Variants in EPS15 observed in about 807,000 individuals in gnomAD.
The protein encoded by EPS15 is epidermal growth factor receptor pathway substrate 15, also known as epidermal growth factor receptor substrate 15.
A neutral mutation model predicts 113.8 loss-of-function variants in EPS15; 72 were observed. The observed-to-expected ratio is 0.63, with a 90% CI of 0.52 to 0.77. The LOEUF is 0.77. EPS15 is among the 30% of genes least tolerant of loss of function. The pLI, the probability that EPS15 is intolerant of heterozygous loss-of-function variation, is 0.00. For missense variants in EPS15, 1,048 were observed against 1,045.8 expected, an observed-to-expected ratio of 1.00 and a Z score of -0.03; for synonymous variants, 344 against 363.4, an observed-to-expected ratio of 0.95 and a Z score of 0.61.
At chr1:51,469,117 G>A (rs1046406855) in intron 4 of EPS15, among the ~76,000 whole-genome samples, 3 of 150,842 alleles carry the variant, frequency 2.0e-5, no homozygotes, top group South Asian at 2.1e-4. Context: ...GTGACAGAGC[G>A]AGACTGTCTC....
chr1:51,444,853 A>G, intron 11 of EPS15, 36 bp downstream of exon 11: 1 of 1,583,434 alleles, frequency 6.3e-7, no homozygotes, highest in Non-Finnish European at 8.6e-7. Context: ...TTCCTTTGAA[A>G]TTAATACATT....
chr1:51,419,784 T>G (rs2148446991), intron 13 of EPS15, among the ~76,000 whole-genome samples: 1 of 152,204 alleles, frequency 6.6e-6, no homozygotes, highest in Non-Finnish European at 1.5e-5. Context: ...TACCAATGGG[T>G]AAATCAGAGT....
chr1:51,442,767 T>G (rs1652693129), intron 11 of EPS15, among the ~76,000 whole-genome samples: 1 of 152,100 alleles, frequency 6.6e-6, no homozygotes, highest in Non-Finnish European at 1.5e-5. Context: ...AAATGTATCT[T>G]GTAAACCAAA....
At chr1:51,457,817 A>G (rs1479441574) in intron 8 of EPS15, 2 of 152,148 alleles carry the variant, frequency 1.3e-5, no homozygotes, top group Non-Finnish European at 2.9e-5. Flanking sequence ...TGTATTAACT[A>G]TATTAATGAA....
chr1:51,408,462 A>C (rs529647645), intron 14 of EPS15, 130 bp from the exon 15 acceptor site: 1 of 652,054 alleles, frequency 1.5e-6, no homozygotes, highest in Non-Finnish European at 2.6e-6. Context: ...AATAGCAAAT[A>C]ATTTATTTAA....
chr1:51,361,529 C>T (rs929410720), intron 23 of EPS15, among the ~76,000 whole-genome samples, 174 bp from the exon 24 acceptor site: 3 of 152,168 alleles, frequency 2.0e-5, no homozygotes, highest in African/African-American at 7.2e-5. Context: ...TCAAATTCTT[C>T]ACACATGATC....
intron 16 of EPS15, 24 bp downstream of exon 16, chr1:51,405,881 A>C: frequency 1.3e-6 from 2 of 1,596,088 alleles, no homozygotes; most frequent in Non-Finnish European, 1.7e-6. Context: ...TTGATTATGA[A>C]GGTTATGAAA....
Position 51,508,274 on chromosome 1 carries a change from AAGAG to A in EPS15, c.33+10921_33+10924del, listed in dbSNP as rs1448766017. Among the ~76,000 whole-genome samples, 897 of 121,142 alleles carry A rather than the reference AAGAG, an allele frequency of 7.4e-3. 16 individuals are homozygous for A. The highest frequency in any genetic ancestry group is 0.03 in the African/African-American group (837 of 27,872). 79.5% of individuals were successfully genotyped at this position (121,142 alleles called of 152,430 possible). A position where few individuals can be genotyped will look rare whatever the true frequency, so the allele number is the denominator to read the frequency against. Reference sequence around the variant, plus strand: ...AGAGAGAGAGAGAGAGAGAGAGAGAAAGAGAGAAAGAGAGAAAGAGAGAGAGAGA... The same window carrying A: ...AGAGAGAGAGAGAGAGAGAGAGAGAAAGAAAGAGAGAAAGAGAGAGAGAGA... On this transcript the variant is annotated intron_variant, in intron 1 of 24. Transcript: ENST00000371733.
intron 24 of EPS15, among the ~76,000 whole-genome samples, chr1:51,357,415 TATATA>T (rs1646255678): frequency 1.6e-5 from 1 of 61,894 alleles, no homozygotes; most frequent in African/African-American, 8.9e-5. Context: ...TATATATATA[TATATA>T]TATATATTTT....
At chr1:51,453,152 T>C (rs1403249620) in intron 8 of EPS15, among the ~76,000 whole-genome samples, 6 of 152,136 alleles carry the variant, frequency 3.9e-5, no homozygotes, top group Non-Finnish European at 8.8e-5. Context: ...TGTGAAATTG[T>C]CAGAATGGCA....
intron 21 of EPS15, among the ~76,000 whole-genome samples, chr1:51,379,722 G>C (rs184951107): frequency 6.6e-6 from 1 of 151,936 alleles, no homozygotes; most frequent in East Asian, 2.0e-4. Context: ...TTTGAGACCA[G>C]CCTGGCCAAC....
At chr1:51,477,860 T>A (rs948023648) in intron 2 of EPS15, among the ~76,000 whole-genome samples, 5 of 152,200 alleles carry the variant, frequency 3.3e-5, no homozygotes, top group East Asian at 1.9e-4. Context: ...TGCTGAGGAG[T>A]GCTTTACTTC....
intron 19 of EPS15, among the ~76,000 whole-genome samples, chr1:51,399,808 G>A (rs1648344786): frequency 6.6e-6 from 1 of 152,012 alleles, no homozygotes; most frequent in Admixed American, 6.6e-5. Flanking sequence ...GTTGCAGTGA[G>A]TCAAGACCGC....
chr1:51,402,228 T>C (rs1648636372), intron 18 of EPS15, among the ~76,000 whole-genome samples: 1 of 151,584 alleles, frequency 6.6e-6, no homozygotes, highest in African/African-American at 2.4e-5. Flanking sequence ...GCGCCTGTAG[T>C]CTCAGCTACT....
chr1:51,476,154 G>C (rs998171961), intron 2 of EPS15, among the ~76,000 whole-genome samples: 1 of 152,106 alleles, frequency 6.6e-6, no homozygotes, highest in Non-Finnish European at 1.5e-5. Flanking sequence ...GGATTGTCTT[G>C]GCAATGTGGG....
At position 51,408,318 on chromosome 1, in the gene EPS15, T is replaced by C; in HGVS notation, c.1290A>G (p.Lys430=). 1 of 1,611,782 alleles carries C rather than the reference T, an allele frequency of 6.2e-7. No homozygotes were observed. The highest frequency in any genetic ancestry group is 8.5e-7 in the Non-Finnish European group (1 of 1,177,884). Residue 430 remains lysine (K), a synonymous_variant, in exon 15 of 25, where the codon AAA becomes AAG. Transcript: ENST00000371733. ...GCGATTCCTGACTAGTTAATTCAGC[T>C]TTCAGAGAAGAGATCTATAATGTGA... is the stretch of plus-strand genomic sequence containing the variant. ...AEEAQLISSL[K]AELTSQESQI...
At chr1:51,459,427 C>T (rs939343139) in intron 8 of EPS15, among the ~76,000 whole-genome samples, 4 of 152,000 alleles carry the variant, frequency 2.6e-5, no homozygotes, top group African/African-American at 4.8e-5. Context: ...ACTTGGGAGG[C>T]GGTGGTTGCA....
chr1:51,441,921 C>G (rs1652626689), intron 11 of EPS15, among the ~76,000 whole-genome samples: 1 of 152,100 alleles, frequency 6.6e-6, no homozygotes, highest in African/African-American at 2.4e-5. Flanking sequence ...TTTGATAAAA[C>G]AGGTACATCA....
chr1:51,480,122 T>A (rs1264451064), intron 2 of EPS15, among the ~76,000 whole-genome samples: 2 of 152,220 alleles, frequency 1.3e-5, no homozygotes, highest in African/African-American at 4.8e-5. Context: ...TAGAAGTTGC[T>A]ATATAGTTTA....
Sources: allele counts gnomAD v4.1 joint callset (sites outside exome capture counted in the v4.1 genomes callset), GRCh38; gene constraint gnomAD v4.1.1; transcripts MANE v1.5; gene names NCBI Gene and HGNC (gene_info 2026-07-23, HGNC 2026-07-21).